BICC1: variants seen among roughly 807,000 people sequenced by gnomAD.
BICC1 encodes BicC family RNA binding protein 1, also known as protein bicaudal C homolog 1.
BICC1 carries 43 observed loss-of-function variants against 111.0 expected under a neutral mutation model. The observed-to-expected ratio is 0.39, with a 90% CI of 0.30 to 0.50. The LOEUF (loss-of-function observed/expected upper bound fraction) is 0.50, where lower values mean the gene tolerates loss of function less well. BICC1 is among the 20% of genes least tolerant of loss of function. BICC1 has a pLI of 0.88. For missense variants in BICC1, 1,091 were observed against 1,203.2 expected, an observed-to-expected ratio of 0.91 and a Z score of 1.38; for synonymous variants, 467 against 434.4, an observed-to-expected ratio of 1.07 and a Z score of -0.93.
intron 3 of BICC1, among the ~76,000 whole-genome samples, chr10:58,703,139 TC>T (rs1840288108): frequency 6.7e-6 from 1 of 150,218 alleles, no homozygotes; most frequent in African/African-American, 2.4e-5. Context: ...TGACTGGAAT[TC>T]CTGTAGAAAC....
intron 2 of BICC1, among the ~76,000 whole-genome samples, chr10:58,633,095 G>A (rs1837847992): frequency 6.6e-6 from 1 of 152,128 alleles, no homozygotes; most frequent in Admixed American, 6.5e-5. Flanking sequence ...TGAATCATGG[G>A]GGATGTTTCC....
intron 5 of BICC1, 61 bp from the exon 6 acceptor site, chr10:58,788,309 T>C (rs1843070100): frequency 2.4e-6 from 3 of 1,270,360 alleles, no homozygotes; most frequent in South Asian, 1.2e-5. Context: ...ATAGATGAAC[T>C]GGAAAAGAGA....
At chr10:58,659,929 T>C (rs1009995103) in intron 2 of BICC1, among the ~76,000 whole-genome samples, 1 of 152,162 alleles carries the variant, frequency 6.6e-6, no homozygotes, top group African/African-American at 2.4e-5. Flanking sequence ...TGCTGACATG[T>C]AGTATTATAT....
chr10:58,580,844 T>C (rs1474777524), intron 1 of BICC1, among the ~76,000 whole-genome samples: 3 of 152,182 alleles, frequency 2.0e-5, no homozygotes, highest in Non-Finnish European at 4.4e-5. Flanking sequence ...TTTTTAAAGC[T>C]CAAACCATAT....
At chr10:58,790,952 G>A (rs1302554033) in intron 8 of BICC1, among the ~76,000 whole-genome samples, 1 of 152,172 alleles carries the variant, frequency 6.6e-6, no homozygotes, top group Admixed American at 6.5e-5. Flanking sequence ...ACCTTTAGTG[G>A]CATTTGAATC....
chr10:58,620,872 G>A lies in BICC1; in HGVS notation c.208G>A (p.Gly70Ser), dbSNP rs764080656. 67 of 1,613,392 alleles carry A rather than the reference G, an allele frequency of 4.2e-5. No homozygotes were observed. Among genetic ancestry groups the A allele is most frequent in the Non-Finnish European group, 3.4e-6 (4 of 1,179,770 alleles). The change falls in exon 2 of 21, where the codon GGC becomes AGC. Residue 70 changes from glycine to serine, a missense_variant. Coordinates refer to ENST00000373886, the MANE Select transcript of BICC1 (RefSeq NM_001080512.3). ...ATTTACAGCTGCTGCTGAAGGGAAAGGCAGAAGTGGGGAAGACTTTTTTCA... is the reference window on the plus strand; with the variant it reads ...ATTTACAGCTGCTGCTGAAGGGAAAAGCAGAAGTGGGGAAGACTTTTTTCA... ...AMLQAAAEGK[G>S]RSGEDFFQKI...
At chr10:58,702,277 T>C (rs1840261008) in intron 3 of BICC1, 134 bp downstream of exon 3, 1 of 578,198 alleles carries the variant, frequency 1.7e-6, no homozygotes, top group Non-Finnish European at 3.0e-6. Flanking sequence ...TAGCAGTCTT[T>C]CAGGAGGATT....
At chr10:58,674,231 G>A (rs1368931268) in intron 2 of BICC1, among the ~76,000 whole-genome samples, 2 of 146,980 alleles carry the variant, frequency 1.4e-5, no homozygotes, top group Non-Finnish European at 3.0e-5. Flanking sequence ...CTGCACCTCT[G>A]ACCACTCTTT....
At chr10:58,622,632 A>G (rs1030258445) in intron 2 of BICC1, among the ~76,000 whole-genome samples, 3 of 152,170 alleles carry the variant, frequency 2.0e-5, no homozygotes, top group African/African-American at 4.8e-5. Flanking sequence ...TGTCTTTTCC[A>G]TAGATAGGTG....
At chr10:58,656,032 C>G (rs1838634441) in intron 2 of BICC1, among the ~76,000 whole-genome samples, 1 of 152,142 alleles carries the variant, frequency 6.6e-6, no homozygotes, top group Admixed American at 6.6e-5. Flanking sequence ...ACCGATCCCA[C>G]AGAAATACAG....
At chr10:58,601,173 T>TATATATATATATATA (rs752405472) in intron 1 of BICC1, among the ~76,000 whole-genome samples, 2 of 131,090 alleles carry the variant, frequency 1.5e-5, no homozygotes, top group African/African-American at 5.6e-5. Context: ...TATATATATC[T>TATATATATATATATA]CCCAATAAAA....
At chr10:58,534,016 A>G (rs1270082897) in intron 1 of BICC1, among the ~76,000 whole-genome samples, 1 of 151,876 alleles carries the variant, frequency 6.6e-6, no homozygotes, top group Non-Finnish European at 1.5e-5. Context: ...ATCCAACTAT[A>G]TGCTGTCTAC....
chr10:58,752,921 G>A (rs1453841420), intron 3 of BICC1, among the ~76,000 whole-genome samples: 1 of 152,210 alleles, frequency 6.6e-6, no homozygotes, highest in East Asian at 1.9e-4. Flanking sequence ...AGGGACCGAG[G>A]TGCCTGCTCT....
rs1183190663 is a variant in BICC1, at chr10:58,534,443, A to C, written c.190+21110A>C. Reference sequence around the variant, plus strand: ...ATATCACTACTACAACGAGCATCTGAGAAAAACATCACACAAAGATTCTCT... The same window carrying C: ...ATATCACTACTACAACGAGCATCTGCGAAAAACATCACACAAAGATTCTCT... On this transcript the variant is annotated intron_variant, in intron 1 of 20. Coordinates refer to ENST00000373886, the MANE Select transcript of BICC1 (RefSeq NM_001080512.3). Among the ~76,000 whole-genome samples, 3 of 151,912 alleles carry C rather than the reference A, an allele frequency of 2.0e-5. No homozygotes were observed. The East Asian group carries it at 5.8e-4, about 30-fold the overall frequency.
chr10:58,628,849 G>C (rs941922669), intron 2 of BICC1, among the ~76,000 whole-genome samples: 3 of 152,146 alleles, frequency 2.0e-5, no homozygotes, highest in African/African-American at 7.2e-5. Context: ...TCATTGCTAG[G>C]TACATAACAT....
At chr10:58,668,922 T>C (rs998620783) in intron 2 of BICC1, among the ~76,000 whole-genome samples, 1 of 152,086 alleles carries the variant, frequency 6.6e-6, no homozygotes, top group Non-Finnish European at 1.5e-5. Flanking sequence ...GGGATGTTTA[T>C]TTGAAGGATT....
intron 1 of BICC1, among the ~76,000 whole-genome samples, chr10:58,587,195 C>T (rs905323840): frequency 2.0e-5 from 3 of 152,086 alleles, no homozygotes; most frequent in African/African-American, 7.2e-5. Context: ...TTCATGCATA[C>T]GTGTTCTGCT....
chr10:58,672,178 A>G lies in BICC1; in HGVS notation c.238-29896A>G, dbSNP rs1481032769. 3.3e-5 allele frequency among the ~76,000 whole-genome samples: 5 copies of G among 152,116 alleles called. No homozygotes were observed. In the East Asian group the frequency reaches 9.6e-4, roughly 29 times the overall value. On this transcript the variant is annotated intron_variant, in intron 2 of 20. Transcript: ENST00000373886. Reference sequence around the variant, plus strand: ...ACATTGTTGTGCAACCATCATCACCATCCATCTCCAGAACTTTTTCATTAT... The same window carrying G: ...ACATTGTTGTGCAACCATCATCACCGTCCATCTCCAGAACTTTTTCATTAT...
chr10:58,667,857 C>T (rs538682554), intron 2 of BICC1, among the ~76,000 whole-genome samples: 2 of 152,100 alleles, frequency 1.3e-5, no homozygotes, highest in South Asian at 4.1e-4. Flanking sequence ...GATCTTAAAT[C>T]TCTCTAAACT....
Sources: gnomAD v4.1 joint callset for allele counts (sites outside exome capture counted in the v4.1 genomes callset) on GRCh38, gnomAD v4.1.1 for gene constraint, MANE v1.5 for transcripts, NCBI Gene and HGNC (gene_info 2026-07-23, HGNC 2026-07-21) for gene names.